Variants in CDH18 observed in about 807,000 individuals in gnomAD.
The protein encoded by CDH18 is cadherin-18.
In CDH18, 31 loss-of-function variants were observed where a neutral mutation model predicts 67.9. The ratio of observed to expected loss-of-function variants is 0.46; its 90% CI spans 0.34 to 0.62. The LOEUF (loss-of-function observed/expected upper bound fraction) is 0.62. Ranked by LOEUF, CDH18 falls within the 20% of genes least tolerant of loss-of-function variation. CDH18 has a pLI of 0.01. For synonymous variants in CDH18, 362 were observed against 347.2 expected (o/e 1.04, Z -0.48); for missense variants, 890 against 975.5 (o/e 0.91, Z 1.17).
chr5:19,871,392 T>A (rs77836854), intron 2 of CDH18, among the ~76,000 whole-genome samples: 1 of 73,744 alleles, frequency 1.4e-5, no homozygotes. Context: ...TTATCACATC[T>A]TTTTTTATTT....
chr5:19,647,982 G>GA (rs554299228), intron 5 of CDH18, among the ~76,000 whole-genome samples: 191 of 151,948 alleles, frequency 1.3e-3, no homozygotes, highest in African/African-American at 3.2e-3. Context: ...TATGTAGGCA[G>GA]AAAAAAAATA....
At chr5:20,034,580 C>T (rs978174615) in intron 2 of CDH18, among the ~76,000 whole-genome samples, 3 of 152,000 alleles carry the variant, frequency 2.0e-5, no homozygotes, top group African/African-American at 4.8e-5. Flanking sequence ...TTCAATCCAT[C>T]GAAGGTCTGA....
At chr5:20,399,793 C>T (rs1396069723) in intron 1 of CDH18, among the ~76,000 whole-genome samples, 3 of 152,096 alleles carry the variant, frequency 2.0e-5, no homozygotes, top group African/African-American at 4.8e-5. Flanking sequence ...TTTCAAATAG[C>T]TCATCAGAGT....
chr5:20,370,242 A>G (rs757248368), intron 1 of CDH18, among the ~76,000 whole-genome samples: 43 of 152,030 alleles, frequency 2.8e-4, no homozygotes, highest in Non-Finnish European at 3.5e-4. Flanking sequence ...TATTATCCTT[A>G]TCACTGTCAT....
At chr5:20,128,413 G>T (rs1312213185) in intron 2 of CDH18, among the ~76,000 whole-genome samples, 1 of 152,078 alleles carries the variant, frequency 6.6e-6, no homozygotes. Flanking sequence ...GAGTTTTTGT[G>T]ATACGTAAAT....
intron 2 of CDH18, among the ~76,000 whole-genome samples, chr5:20,166,456 A>G (rs1217283716): frequency 1.9e-4 from 1 of 5,242 alleles, no homozygotes; most frequent in African/African-American, 5.2e-4. Context: ...AAAAAAAAAG[A>G]AAAGAAAAGA....
chr5:19,472,931 T>C lies in CDH18; in HGVS notation c.*295A>G. 1 of 260,364 alleles carries C rather than the reference T, an allele frequency of 3.8e-6. No homozygotes were observed. Among genetic ancestry groups the C allele is most frequent in the Non-Finnish European group, 7.3e-6 (1 of 136,148 alleles). The allele number at this position is 260,364 out of a possible 1,614,324, so 16.1% of individuals were successfully genotyped here. ...CACAATATATTGAAACAAATATCAT[T>C]GTTTGGCTTAATTCAGGTATTCTTA... On this transcript the variant is annotated 3_prime_UTR_variant, in exon 13 of 13. Coordinates refer to ENST00000382275, the MANE Select transcript of CDH18 (RefSeq NM_004934.5).
In CDH18 at chr5:19,998,523, T is replaced by G. The variant is rs116286870; in HGVS notation, c.-517-6509A>C. Among the ~76,000 whole-genome samples the G allele has an allele frequency of 3.0e-3, 457 of 152,302 alleles. 3 individuals are homozygous for G. Among genetic ancestry groups the G allele is most frequent in the African/African-American group, 0.01 (427 of 41,588 alleles). The stretch of plus-strand genomic sequence containing the variant: ...GGACCATTAGATATCAACAAATTAT[T>G]GTCCTGTTGGTTGTTTCATGCTAAG... On this transcript the variant is annotated intron_variant, in intron 2 of 14. Transcript: ENST00000507958.
At chr5:20,462,724 T>G (rs903757685) in intron 1 of CDH18, among the ~76,000 whole-genome samples, 1 of 152,168 alleles carries the variant, frequency 6.6e-6, no homozygotes, top group Non-Finnish European at 1.5e-5. Context: ...ATCACTAGAA[T>G]AATCTTATGC....
chr5:20,044,026 G>C (rs149503188), intron 2 of CDH18, among the ~76,000 whole-genome samples: 13 of 152,264 alleles, frequency 8.5e-5, no homozygotes, highest in Non-Finnish European at 1.9e-4. Flanking sequence ...AAAGTGAAGG[G>C]AGTGACAAAC....
In CDH18 at chr5:19,833,781, T is replaced by G. The variant is rs184373873; in HGVS notation, c.228+4978A>C. Reference sequence around the variant, plus strand: ...TTTTCTCCATCTATTGAGATAATCATGTGGTGTTTCTCTTTGGTTCTGTTT... The same window carrying G: ...TTTTCTCCATCTATTGAGATAATCAGGTGGTGTTTCTCTTTGGTTCTGTTT... On this transcript the variant is annotated intron_variant, in intron 3 of 12. Coordinates refer to ENST00000382275, the MANE Select transcript of CDH18 (RefSeq NM_004934.5). 1.1e-3 allele frequency among the ~76,000 whole-genome samples: 168 copies of G among 152,302 alleles called. 1 individual carries two copies. Among genetic ancestry groups the G allele is most frequent in the African/African-American group, 4.0e-3 (166 of 41,564 alleles).
chr5:20,052,596 G>C (rs545343684), intron 2 of CDH18, among the ~76,000 whole-genome samples: 124 of 152,100 alleles, frequency 8.2e-4, no homozygotes, highest in African/African-American at 2.9e-3. Flanking sequence ...GGGGTAATAG[G>C]GGAAGGTGTT....
chr5:19,773,465 C>T (rs185064239), intron 3 of CDH18, among the ~76,000 whole-genome samples: 231 of 152,276 alleles, frequency 1.5e-3, no homozygotes, highest in African/African-American at 5.3e-3. Context: ...GAAAACCTCA[C>T]AGTTCAGAGG....
At chr5:19,616,011 T>C (rs12655179) in intron 5 of CDH18, among the ~76,000 whole-genome samples, 93,003 of 151,900 alleles carry the variant, frequency 0.61, 29,580 homozygotes, top group South Asian at 0.75. Context: ...TGGGTTTTTG[T>C]ATAAACACAA....
chr5:20,321,560 T>C (rs1738024302), intron 1 of CDH18, among the ~76,000 whole-genome samples: 1 of 152,118 alleles, frequency 6.6e-6, no homozygotes, highest in Non-Finnish European at 1.5e-5. Context: ...ATAAAAAAAG[T>C]GCTATACTCT....
chr5:19,675,011 G>A (rs1759270815), intron 5 of CDH18, among the ~76,000 whole-genome samples: 1 of 152,110 alleles, frequency 6.6e-6, no homozygotes, highest in Admixed American at 6.6e-5. Flanking sequence ...AAGGGAAAGA[G>A]TACAAAAGAG....
At chr5:19,748,049 C>G (rs1770292033) in intron 3 of CDH18, among the ~76,000 whole-genome samples, 1 of 134,410 alleles carries the variant, frequency 7.4e-6, no homozygotes, top group East Asian at 2.2e-4. Context: ...GGAGGCGGAG[C>G]TTGCAGTGAG....
chr5:19,808,826 C>T (rs1288574494), intron 3 of CDH18, among the ~76,000 whole-genome samples: 1 of 97,356 alleles, frequency 1.0e-5, no homozygotes, highest in African/African-American at 3.7e-5. Context: ...GAGCGAAACT[C>T]TGTCTCAAAA....
At position 19,520,736 on chromosome 5, in the gene CDH18, A is replaced by G. The variant is rs778343213; in HGVS notation, c.1433T>C (p.Val478Ala). 1 of 1,613,202 alleles carries G rather than the reference A, an allele frequency of 6.2e-7. No individual in the cohort carries two copies. The highest frequency in any genetic ancestry group is 1.3e-5 in the African/African-American group (1 of 74,998). The change falls in exon 10 of 13, where the codon GTT becomes GCT. Residue 478 changes from valine to alanine, a missense_variant. By Grantham distance (64) the Val-to-Ala change is moderately conservative (BLOSUM62 0). This residue lies in a region of CDH18 where 656 missense variants were observed against 668.1 expected (regional missense o/e 0.98). Coordinates refer to ENST00000382275, the MANE Select transcript of CDH18 (RefSeq NM_004934.5). ...LLSHVTVGIR[V>A]LDVNDNPPEL... ...GGGTGGATTGTCATTGACATCCAGA[A>G]CTCTAATACCCACTGTGACATGGCT... is the stretch of plus-strand genomic sequence containing the variant.
Sources: gnomAD v4.1 joint callset for allele counts (sites outside exome capture counted in the v4.1 genomes callset) on GRCh38, gnomAD v4.1.1 for gene constraint, gnomAD v4.1.1 regional missense constraint, MANE v1.5 for transcripts, NCBI Gene and HGNC (gene_info 2026-07-23, HGNC 2026-07-21) for gene names.